The following CFAP70 variants were observed in gnomAD, a reference collection of about 807,000 sequenced individuals.
CFAP70 encodes cilia and flagella associated protein 70.
In CFAP70, 81 loss-of-function variants were observed where a neutral mutation model predicts 137.6. That is an observed-to-expected ratio of 0.59 (90% CI 0.49 to 0.71). CFAP70 has a LOEUF of 0.71. CFAP70 is among the 30% of genes least tolerant of loss of function. CFAP70 has a pLI of 0.00. For synonymous variants in CFAP70, 382 were observed against 423.6 expected, an observed-to-expected ratio of 0.90 and a Z score of 1.20; for missense variants, 976 against 1,226.7, an observed-to-expected ratio of 0.80 and a Z score of 3.05.
chr10:73,325,173 G>A (rs1452386920), intron 8 of CFAP70, among the ~76,000 whole-genome samples: 1 of 152,114 alleles, frequency 6.6e-6, no homozygotes, highest in Admixed American at 6.5e-5. Context: ...GAGAGTGGGG[G>A]CCAATATTCA....
intron 25 of CFAP70, among the ~76,000 whole-genome samples, chr10:73,264,987 T>G (rs1442050942): frequency 6.6e-6 from 1 of 152,168 alleles, no homozygotes; most frequent in Non-Finnish European, 1.5e-5. Context: ...TAGAATCTAC[T>G]CTCATTAATC....
intron 21 of CFAP70, 123 bp downstream of exon 22, chr10:73,277,117 G>T: frequency 1.6e-6 from 2 of 1,244,774 alleles, no homozygotes; most frequent in Non-Finnish European, 2.2e-6. Context: ...CTTAAAGTAT[G>T]CTCTCAAAAG....
intron 15 of CFAP70, chr10:73,296,051 C>T (rs572198956): frequency 1.3e-5 from 2 of 152,312 alleles, no homozygotes; most frequent in East Asian, 3.9e-4. Context: ...CCCATTGAAA[C>T]TTAAACTTAA....
chr10:73,258,888 C>G (rs1779394866), intron 25 of CFAP70, among the ~76,000 whole-genome samples: 2 of 152,210 alleles, frequency 1.3e-5, no homozygotes, highest in African/African-American at 4.8e-5. Flanking sequence ...TGTCTGCTCT[C>G]AAACCCTGTC....
intron 6 of CFAP70, 90 bp downstream of exon 7, chr10:73,341,309 A>C (rs1414483505): frequency 8.7e-7 from 1 of 1,155,288 alleles, no homozygotes; most frequent in Non-Finnish European, 1.2e-6. Flanking sequence ...ACAGGTGACA[A>C]ATGTATATAA....
intron 3 of CFAP70, among the ~76,000 whole-genome samples, chr10:73,352,225 G>A (rs2054334948): frequency 6.6e-6 from 1 of 152,178 alleles, no homozygotes; most frequent in South Asian, 2.1e-4. Flanking sequence ...CATTACTAGA[G>A]GGGATAAAAG....
chr10:73,257,414 T>C (rs952457034), intron 25 of CFAP70, among the ~76,000 whole-genome samples: 5 of 152,216 alleles, frequency 3.3e-5, no homozygotes, highest in Non-Finnish European at 7.3e-5. Flanking sequence ...CTCCAGAAGT[T>C]AAATGAGATA....
chr10:73,318,767 A>C (rs926602155), intron 9 of CFAP70, among the ~76,000 whole-genome samples: 1 of 152,220 alleles, frequency 6.6e-6, no homozygotes, highest in Non-Finnish European at 1.5e-5. Flanking sequence ...CCTCAGATTC[A>C]ACAAGAGTAT....
exon 19 of CFAP70, chr10:73,291,443 A>C (rs201296370): frequency 6.2e-7 from 1 of 1,613,848 alleles, no homozygotes; most frequent in Non-Finnish European, 8.5e-7. Context: ...CATAGTACAA[A>C]CCTGGGGAAA....
intron 9 of CFAP70, among the ~76,000 whole-genome samples, chr10:73,321,565 CATA>C (rs1401366745): frequency 6.6e-6 from 1 of 151,952 alleles, no homozygotes; most frequent in Non-Finnish European, 1.5e-5. Context: ...ATAACAGTGA[CATA>C]ATAATAGATT....
At chr10:73,312,766 GA>G in intron 9 of CFAP70, 123 bp from the exon 11 acceptor site, 1 of 852,506 alleles carries the variant, frequency 1.2e-6, no homozygotes, top group Non-Finnish European at 1.7e-6. Context: ...CAGAGAGAGA[GA>G]AGGGACTTGA....
At chr10:73,282,826 CT>C (rs1203127459) in intron 19 of CFAP70, among the ~76,000 whole-genome samples, 7,277 of 91,056 alleles carry the variant, frequency 0.08, 113 homozygotes, top group East Asian at 0.21. Context: ...TTCCTGTTAT[CT>C]TTTTTTTTTT....
At chr10:73,304,077 A>G (rs1458749623) in intron 12 of CFAP70, among the ~76,000 whole-genome samples, 1 of 151,256 alleles carries the variant, frequency 6.6e-6, no homozygotes, top group Non-Finnish European at 1.5e-5. Flanking sequence ...TTTTTGAGAC[A>G]GAGTTTTTTG....
intron 25 of CFAP70, among the ~76,000 whole-genome samples, chr10:73,258,626 C>G (rs1289357504): frequency 6.6e-6 from 1 of 152,224 alleles, no homozygotes; most frequent in Non-Finnish European, 1.5e-5. Context: ...CAGGGCCGGA[C>G]AGAACAGAGT....
At chr10:73,333,036 A>G (rs536357380) in intron 7 of CFAP70, among the ~76,000 whole-genome samples, 1 of 152,344 alleles carries the variant, frequency 6.6e-6, no homozygotes, top group South Asian at 2.1e-4. Context: ...GGCAACATGC[A>G]AGAACAGATG....
chr10:73,277,196 G>A (rs779644325), intron 21 of CFAP70, 44 bp downstream of exon 22: 2 of 1,581,240 alleles, frequency 1.3e-6, no homozygotes, highest in East Asian at 4.5e-5. Flanking sequence ...TAAAGAGTTT[G>A]CTAAAATCTT....
intron 25 of CFAP70, among the ~76,000 whole-genome samples, chr10:73,258,495 C>G (rs2044754590): frequency 1.3e-5 from 2 of 152,168 alleles, no homozygotes; most frequent in African/African-American, 4.8e-5. Context: ...ATTACGTTAT[C>G]TGCACAAATT....
At chr10:73,293,066 C>T (rs2048291831) in intron 16 of CFAP70, among the ~76,000 whole-genome samples, 197 bp downstream of exon 17, 1 of 152,156 alleles carries the variant, frequency 6.6e-6, no homozygotes, top group South Asian at 2.1e-4. Flanking sequence ...ACTGAAAAGA[C>T]TATCCTTTCT....
At position 73,275,049 on chromosome 10, in the gene CFAP70, C is replaced by T. The variant is rs149308230; in HGVS notation, c.2673+397G>A. 2.3e-3 allele frequency: 368 copies of T among 162,338 alleles called. 8 individuals carry two copies. Among genetic ancestry groups the T allele is most frequent in the African/African-American group, 7.7e-3 (320 of 41,800 alleles). The allele number at this position is 162,338 out of a possible 1,614,324, so 10.1% of individuals were successfully genotyped here. On this transcript the variant is annotated intron_variant, in intron 22 of 26. Transcript: ENST00000310715. This position sits in a 1 kb window ranked among gnomAD's most constrained non-coding sequence, Gnocchi z 4.0. Reference sequence around the variant, plus strand: ...CTGGAGAGTGCAATGGCTCAATCTCCGCTCACTGCAACCTCCGCCTCCCAG... The same window carrying T: ...CTGGAGAGTGCAATGGCTCAATCTCTGCTCACTGCAACCTCCGCCTCCCAG...
Sources: gnomAD v4.1 joint callset for allele counts (sites outside exome capture counted in the v4.1 genomes callset) on GRCh38, gnomAD v4.1.1 for gene constraint, Gnocchi (gnomAD v3.1) non-coding constraint, MANE v1.5 for transcripts, NCBI Gene and HGNC (gene_info 2026-07-23, HGNC 2026-07-21) for gene names.